TNNI3K: variants seen among roughly 807,000 people sequenced by gnomAD.
The protein encoded by TNNI3K is TNNI3 interacting kinase, also known as serine/threonine-protein kinase TNNI3K.
Under a neutral mutation model 114.5 loss-of-function variants are expected in TNNI3K, and 140 were observed. The observed-to-expected ratio is 1.22, with a 90% CI of 1.07 to 1.41. The LOEUF (loss-of-function observed/expected upper bound fraction) is 1.41. TNNI3K is among the 40% of genes most tolerant of loss of function. The pLI, the probability that TNNI3K is intolerant of heterozygous loss-of-function variation, is 0.00. For missense variants in TNNI3K, 1,125 were observed against 1,007.6 expected, an observed-to-expected ratio of 1.12 and a Z score of -1.58; for synonymous variants, 347 against 347.5, an observed-to-expected ratio of 1.00 and a Z score of 0.02.
At chr1:74,453,602 T>G (rs994750710) in intron 20 of TNNI3K, among the ~76,000 whole-genome samples, 1 of 152,280 alleles carries the variant, frequency 6.6e-6, no homozygotes, top group South Asian at 2.1e-4. Flanking sequence ...TAGCATTGAC[T>G]CCTACACAAG....
chr1:74,409,195 A>T, intron 17 of TNNI3K, among the ~76,000 whole-genome samples: 1 of 152,172 alleles, frequency 6.6e-6, no homozygotes, highest in East Asian at 1.9e-4. Context: ...AAGTTATATT[A>T]ATTGCCCAAG....
intron 17 of TNNI3K, among the ~76,000 whole-genome samples, chr1:74,435,645 A>G (rs1186958303): frequency 6.6e-6 from 1 of 152,018 alleles, no homozygotes; most frequent in Non-Finnish European, 1.5e-5. Flanking sequence ...TCCTTTTGCT[A>G]CATTCATTTC....
intron 5 of TNNI3K, among the ~76,000 whole-genome samples, chr1:74,294,710 T>C (rs376226280): frequency 6.6e-6 from 1 of 152,140 alleles, no homozygotes; most frequent in Non-Finnish European, 1.5e-5. Flanking sequence ...TGCTTCATTA[T>C]ATTTAATGAT....
chr1:74,305,121 G>C (rs540824584), intron 5 of TNNI3K, among the ~76,000 whole-genome samples: 1 of 152,268 alleles, frequency 6.6e-6, no homozygotes, highest in Non-Finnish European at 1.5e-5. Context: ...AAGAGGCATA[G>C]GGAGAGGAGT....
intron 11 of TNNI3K, among the ~76,000 whole-genome samples, chr1:74,364,222 C>T (rs1448102790): frequency 6.6e-6 from 1 of 151,674 alleles, no homozygotes; most frequent in Non-Finnish European, 1.5e-5. Flanking sequence ...CCAGCCTGGT[C>T]TTCAACTCCT....
rs141149654 is a variant in TNNI3K, at chr1:74,543,570, G to A, written c.2432-336G>A. 6.6e-5 allele frequency among the ~76,000 whole-genome samples: 10 copies of A among 152,260 alleles called. No homozygotes were observed. In the East Asian group the frequency reaches 9.7e-4, roughly 15 times the overall value. On this transcript the variant is annotated intron_variant, in intron 24 of 24. Coordinates refer to ENST00000326637, the MANE Select transcript of TNNI3K (RefSeq NM_015978.3). ...ACAGAGTCAGCAAGTAGTGGAATCC[G>A]TGCTTAAACCCAGATTTGCCTGACG...
At chr1:74,264,300 G>T in intron 4 of TNNI3K, among the ~76,000 whole-genome samples, 1 of 151,778 alleles carries the variant, frequency 6.6e-6, no homozygotes, top group East Asian at 1.9e-4. Context: ...TTTGTGAGTT[G>T]AGCAGTTATT....
At chr1:74,425,106 G>T (rs1198701820) in intron 17 of TNNI3K, among the ~76,000 whole-genome samples, 2 of 152,048 alleles carry the variant, frequency 1.3e-5, no homozygotes, top group East Asian at 3.9e-4. Context: ...GTCAGGAAGG[G>T]CATAAGGCAG....
At chr1:74,448,160 A>G (rs1361191700) in intron 20 of TNNI3K, among the ~76,000 whole-genome samples, 1 of 109,054 alleles carries the variant, frequency 9.2e-6, no homozygotes, top group Non-Finnish European at 1.8e-5. Context: ...ACCTAATGCT[A>G]GATGACACAT....
intron 20 of TNNI3K, among the ~76,000 whole-genome samples, chr1:74,444,192 T>C (rs866291323): frequency 5.9e-5 from 9 of 152,164 alleles, no homozygotes; most frequent in Admixed American, 6.5e-5. Flanking sequence ...GCTAAGCATA[T>C]TCAAATAGGA....
At chr1:74,339,852 T>C (rs1053494560) in intron 7 of TNNI3K, among the ~76,000 whole-genome samples, 11 of 152,080 alleles carry the variant, frequency 7.2e-5, no homozygotes, top group Non-Finnish European at 1.0e-4. Flanking sequence ...ATTTTGATAA[T>C]GTTAAAAATT....
At chr1:74,305,101 G>C (rs149605260) in intron 5 of TNNI3K, among the ~76,000 whole-genome samples, 4 of 152,124 alleles carry the variant, frequency 2.6e-5, no homozygotes, top group Admixed American at 6.5e-5. Flanking sequence ...GTTGGACTTT[G>C]AGTAAGAAAA....
intron 20 of TNNI3K, among the ~76,000 whole-genome samples, chr1:74,445,609 TTTCTTTTTTTC>T (rs1666610725): frequency 7.4e-6 from 1 of 135,468 alleles, no homozygotes; most frequent in African/African-American, 3.0e-5. Flanking sequence ...TTTTCTTTTT[TTTCTTTTTTTC>T]TTTTTTTTGA....
intron 17 of TNNI3K, chr1:74,416,661 T>C (rs1665129768): frequency 2.9e-6 from 2 of 686,188 alleles, no homozygotes; most frequent in South Asian, 1.3e-4. Context: ...TGAATTTTAA[T>C]TGATTTTTTT....
At chr1:74,296,700 T>C (rs1008086841) in intron 5 of TNNI3K, among the ~76,000 whole-genome samples, 1 of 152,228 alleles carries the variant, frequency 6.6e-6, no homozygotes, top group African/African-American at 2.4e-5. Flanking sequence ...TAGTGGTTAC[T>C]GAATTCCGGT....
intron 21 of TNNI3K, among the ~76,000 whole-genome samples, chr1:74,485,554 C>T (rs1668715191): frequency 6.6e-6 from 1 of 152,112 alleles, no homozygotes; most frequent in Non-Finnish European, 1.5e-5. Context: ...TGTAGAATAC[C>T]CTGTCCTTCA....
At chr1:74,470,775 A>AT (rs995151906) in intron 21 of TNNI3K, 3 of 400,376 alleles carry the variant, frequency 7.5e-6, no homozygotes, top group Non-Finnish European at 1.3e-5. Context: ...GTAAGGCTTC[A>AT]TTTTGGTCTA....
At chr1:74,409,028 A>G (rs907891259) in intron 17 of TNNI3K, among the ~76,000 whole-genome samples, 3 of 152,066 alleles carry the variant, frequency 2.0e-5, no homozygotes, top group African/African-American at 7.2e-5. Flanking sequence ...TAAAGGTACC[A>G]GAATTAACTA....
At chr1:74,436,279 A>G (rs1284491391) in intron 18 of TNNI3K, 147 bp downstream of exon 18, 1 of 1,243,246 alleles carries the variant, frequency 8.0e-7, no homozygotes, top group Non-Finnish European at 1.1e-6. Flanking sequence ...AAATCATTCA[A>G]ATTTCAATGA....
Sources: allele counts gnomAD v4.1 joint callset (sites outside exome capture counted in the v4.1 genomes callset), GRCh38; gene constraint gnomAD v4.1.1; transcripts MANE v1.5; gene names NCBI Gene and HGNC (gene_info 2026-07-23, HGNC 2026-07-21).